The following SNX9 variants were observed in gnomAD, a reference collection of about 807,000 sequenced individuals.
SNX9 encodes the protein sorting nexin 9, also known as sorting nexin-9.
Under a neutral mutation model 89.4 loss-of-function variants are expected in SNX9, and 44 were observed. The observed-to-expected ratio is 0.49, with a 90% CI of 0.39 to 0.63. SNX9 has a LOEUF of 0.63. Ranked by LOEUF, SNX9 falls within the 30% of genes least tolerant of loss-of-function variation. The pLI, the probability that SNX9 is intolerant of heterozygous loss-of-function variation, is 0.00. For synonymous variants in SNX9, 236 were observed against 247.8 expected, an observed-to-expected ratio of 0.95 and a Z score of 0.45; for missense variants, 578 against 736.1, an observed-to-expected ratio of 0.79 and a Z score of 2.49.
intron 13 of SNX9, among the ~76,000 whole-genome samples, chr6:157,935,236 A>G (rs1783899758): frequency 6.6e-6 from 1 of 152,238 alleles, no homozygotes; most frequent in Non-Finnish European, 1.5e-5. Flanking sequence ...TCAGCTAATA[A>G]AGAAGGAATG....
chr6:157,874,891 C>A, intron 3 of SNX9, 160 bp from the exon 4 acceptor site: 1 of 620,814 alleles, frequency 1.6e-6, no homozygotes, highest in South Asian at 3.5e-5. Context: ...AATGAAAATA[C>A]AACCCATTAA....
chr6:157,878,588 A>T (rs1782563129), intron 4 of SNX9, among the ~76,000 whole-genome samples: 1 of 152,006 alleles, frequency 6.6e-6, no homozygotes, highest in African/African-American at 2.4e-5. Flanking sequence ...GCCCGCCACT[A>T]CGCCCAGGTA....
intron 15 of SNX9, among the ~76,000 whole-genome samples, chr6:157,938,299 A>G (rs753279021): frequency 5.3e-5 from 8 of 152,370 alleles, no homozygotes; most frequent in South Asian, 2.1e-4. Flanking sequence ...CATGACTTCC[A>G]AAACCTGCTA....
chr6:157,879,424 T>C (rs756185283), intron 4 of SNX9, among the ~76,000 whole-genome samples: 1 of 152,140 alleles, frequency 6.6e-6, no homozygotes, highest in Non-Finnish European at 1.5e-5. Context: ...TGCACACACA[T>C]ACACACACAC....
intron 1 of SNX9, among the ~76,000 whole-genome samples, chr6:157,850,719 T>C (rs1040477643): frequency 6.6e-6 from 1 of 152,140 alleles, no homozygotes; most frequent in Non-Finnish European, 1.5e-5. Context: ...TAATGCTTGG[T>C]GACTGTATTT....
chr6:157,917,733 G>A (rs1180453649), intron 9 of SNX9, among the ~76,000 whole-genome samples: 2 of 152,026 alleles, frequency 1.3e-5, no homozygotes, highest in Admixed American at 6.5e-5. Context: ...CTAATACAAT[G>A]TAAATGCTAT....
intron 10 of SNX9, among the ~76,000 whole-genome samples, chr6:157,924,048 A>G (rs978488213): frequency 2.6e-5 from 4 of 152,122 alleles, no homozygotes; most frequent in African/African-American, 9.7e-5. Flanking sequence ...AAATACAAAA[A>G]TTCGCCAGGT....
At chr6:157,895,447 G>A (rs1782958787) in intron 4 of SNX9, among the ~76,000 whole-genome samples, 1 of 152,120 alleles carries the variant, frequency 6.6e-6, no homozygotes. Context: ...GTCTGTTTTG[G>A]TCTGTCCGAT....
intron 10 of SNX9, among the ~76,000 whole-genome samples, chr6:157,925,652 A>T (rs944616794): frequency 6.6e-6 from 1 of 152,104 alleles, no homozygotes; most frequent in African/African-American, 2.4e-5. Flanking sequence ...GTTCTACACA[A>T]GATTTTGACT....
rs1436472138 is a variant in SNX9, at chr6:157,875,076, A to G, written c.200A>G (p.Gln67Arg). 13 of 1,613,976 alleles carry G rather than the reference A, an allele frequency of 8.1e-6. No homozygotes were observed. The highest frequency in any genetic ancestry group is 1.1e-5 in the Non-Finnish European group (13 of 1,179,944). The change falls in exon 4 of 18, where the codon CAA becomes CGA. Residue 67 changes from glutamine (Q) to arginine (R), a missense_variant. By Grantham distance (43) the Gln-to-Arg change is conservative. Transcript: ENST00000392185. ...ATTTTACCCAGTGATGGAAAAGATC[A>G]ATTTTCTTGTGGAAATTCAGTGGCT... Reference protein sequence around the residue: ...VEILPSDGKDQFSCGNSVADQ... With the variant: ...VEILPSDGKDRFSCGNSVADQ...
chr6:157,869,255 TA>T (rs1242085100), intron 2 of SNX9, among the ~76,000 whole-genome samples: 2 of 152,276 alleles, frequency 1.3e-5, no homozygotes, highest in Non-Finnish European at 2.9e-5. Flanking sequence ...TTCTTTACAC[TA>T]TGCGGTCTCA....
intron 9 of SNX9, among the ~76,000 whole-genome samples, chr6:157,921,012 T>G (rs1328506229): frequency 1.3e-5 from 2 of 152,264 alleles, no homozygotes; most frequent in African/African-American, 4.8e-5. Context: ...TTCATAATGC[T>G]AAATTTAAAC....
chr6:157,887,559 C>T (rs1182060114), intron 4 of SNX9, among the ~76,000 whole-genome samples: 3 of 152,176 alleles, frequency 2.0e-5, no homozygotes, highest in African/African-American at 4.8e-5. Flanking sequence ...TGGAGAGTCT[C>T]TCCACGCAGT....
intron 9 of SNX9, among the ~76,000 whole-genome samples, chr6:157,911,474 G>A (rs1048338677): frequency 6.6e-6 from 1 of 152,224 alleles, no homozygotes; most frequent in Non-Finnish European, 1.5e-5. Flanking sequence ...GGCAGTGCCA[G>A]ATGGAAACAT....
chr6:157,921,090 A>G (rs1231045212), intron 9 of SNX9, among the ~76,000 whole-genome samples: 3 of 152,270 alleles, frequency 2.0e-5, no homozygotes, highest in African/African-American at 7.2e-5. Flanking sequence ...TGTCGTTTGT[A>G]AGAATGACAT....
At chr6:157,922,651 T>C (rs1261636425) in intron 10 of SNX9, among the ~76,000 whole-genome samples, 3 of 152,234 alleles carry the variant, frequency 2.0e-5, no homozygotes, top group Non-Finnish European at 4.4e-5. Context: ...TTTTCAGTTA[T>C]TGACTATTTC....
At position 157,856,946 on chromosome 6, in the gene SNX9, A is replaced by G. The variant is rs534109114; in HGVS notation, c.13-10601A>G. Among the ~76,000 whole-genome samples, 4 of 152,232 alleles carry G rather than the reference A, an allele frequency of 2.6e-5. No individual in the cohort carries two copies. The South Asian group carries it at 8.3e-4, about 32-fold the overall frequency. Reference sequence around the variant, plus strand: ...GGATTGAAAAAAATGATCTCATTCTATTATTCCTTCATTTATCAGCTGAAA... The same window carrying G: ...GGATTGAAAAAAATGATCTCATTCTGTTATTCCTTCATTTATCAGCTGAAA... On this transcript the variant is annotated intron_variant, in intron 1 of 17. Transcript: ENST00000392185.
chr6:157,933,387 G>A (rs1275203274), intron 13 of SNX9, among the ~76,000 whole-genome samples: 1 of 152,200 alleles, frequency 6.6e-6, no homozygotes, highest in Non-Finnish European at 1.5e-5. Context: ...ATTGGTACAG[G>A]TGTTGATCCT....
intron 2 of SNX9, among the ~76,000 whole-genome samples, chr6:157,871,394 T>C (rs556547773): frequency 6.6e-6 from 1 of 151,734 alleles, no homozygotes; most frequent in African/African-American, 2.4e-5. Flanking sequence ...AAAAAGAAAA[T>C]CACTGGGTAG....
Sources: gnomAD v4.1 joint callset for allele counts (sites outside exome capture counted in the v4.1 genomes callset) on GRCh38, gnomAD v4.1.1 for gene constraint, MANE v1.5 for transcripts, NCBI Gene and HGNC (gene_info 2026-07-23, HGNC 2026-07-21) for gene names.